Variants in OPCML observed in about 807,000 individuals in gnomAD.
The protein encoded by OPCML is opioid-binding protein/cell adhesion molecule.
OPCML carries 13 observed loss-of-function variants against 37.8 expected under a neutral mutation model. The observed-to-expected ratio is 0.34, with a 90% CI of 0.22 to 0.55. The LOEUF is 0.55. OPCML is among the 20% of genes least tolerant of loss of function. The pLI, the probability that OPCML is intolerant of heterozygous loss-of-function variation, is 0.91. For synonymous variants in OPCML, 176 were observed against 168.8 expected, an observed-to-expected ratio of 1.04 and a Z score of -0.33; for missense variants, 341 against 435.6, an observed-to-expected ratio of 0.78 and a Z score of 1.93.
intron 1 of OPCML, among the ~76,000 whole-genome samples, chr11:133,232,299 C>A (rs926436808): frequency 6.6e-6 from 1 of 152,156 alleles, no homozygotes; most frequent in African/African-American, 2.4e-5. Context: ...GTAGAGAAAG[C>A]GCAGAGTTTA....
chr11:133,197,014 A>G (rs1938561785), intron 1 of OPCML, among the ~76,000 whole-genome samples: 1 of 152,208 alleles, frequency 6.6e-6, no homozygotes, highest in Non-Finnish European at 1.5e-5. Flanking sequence ...ACTGGGAGTG[A>G]ATTGCCTGGA....
chr11:133,426,689 C>A (rs1469930397), intron 1 of OPCML, among the ~76,000 whole-genome samples: 2 of 152,290 alleles, frequency 1.3e-5, no homozygotes, highest in Non-Finnish European at 2.9e-5. Flanking sequence ...AGAAACACAG[C>A]GAGAGAGCAG....
chr11:132,549,834 G>T (rs1243026447), intron 3 of OPCML, among the ~76,000 whole-genome samples: 38 of 152,170 alleles, frequency 2.5e-4, no homozygotes, highest in Non-Finnish European at 2.9e-5. Context: ...CAGTCTGTGA[G>T]TCCTATGTAA....
intron 1 of OPCML, among the ~76,000 whole-genome samples, chr11:133,268,926 C>A (rs1035467809): frequency 1.3e-5 from 2 of 152,126 alleles, no homozygotes; most frequent in African/African-American, 4.8e-5. Flanking sequence ...ACACTGGTCC[C>A]GAGGACTTAC....
intron 3 of OPCML, among the ~76,000 whole-genome samples, chr11:132,540,936 G>C (rs188255406): frequency 1.6e-4 from 25 of 152,192 alleles, no homozygotes; most frequent in Non-Finnish European, 2.9e-4. Context: ...CTCCCTCTGG[G>C]AGTCTCCTTT....
intron 1 of OPCML, among the ~76,000 whole-genome samples, chr11:133,288,659 C>T (rs1399752929): frequency 6.6e-6 from 1 of 152,178 alleles, no homozygotes; most frequent in Non-Finnish European, 1.5e-5. Flanking sequence ...TACCTTGGAT[C>T]AATTAAATCA....
chr11:132,569,399 G>A (rs992818854), intron 3 of OPCML, among the ~76,000 whole-genome samples: 3 of 152,184 alleles, frequency 2.0e-5, no homozygotes, highest in Admixed American at 6.5e-5. Flanking sequence ...AGAACTGTGA[G>A]AAAATAAATG....
At chr11:132,707,793 G>T (rs1458328462) in intron 2 of OPCML, among the ~76,000 whole-genome samples, 1 of 152,164 alleles carries the variant, frequency 6.6e-6, no homozygotes, top group Non-Finnish European at 1.5e-5. Context: ...ATTGTGTTCA[G>T]TTCTGGGTAG....
chr11:133,048,808 C>A (rs996051889), intron 1 of OPCML, among the ~76,000 whole-genome samples: 2 of 152,124 alleles, frequency 1.3e-5, no homozygotes, highest in Non-Finnish European at 2.9e-5. Context: ...TAAGCTATGG[C>A]TCTTTGAAGG....
At chr11:133,026,454 G>A in intron 1 of OPCML, 1 of 985,392 alleles carries the variant, frequency 1.0e-6, no homozygotes, top group Non-Finnish European at 1.2e-6. Flanking sequence ...CCTGGTTCCT[G>A]TTTTGCAACC....
At chr11:133,191,504 G>GGGGTGTGT (rs772369397) in intron 1 of OPCML, among the ~76,000 whole-genome samples, 30 of 142,360 alleles carry the variant, frequency 2.1e-4, no homozygotes, top group African/African-American at 7.8e-4. Context: ...TGTGTGTGTG[G>GGGGTGTGT]GTGTGTGTGT....
chr11:133,383,690 C>T lies in OPCML; in HGVS notation c.61+148574G>A, dbSNP rs983108909. ...GGGGCATTTCTTTGGGAGCAAGCAT[C>T]AGACAAATAAACATCATTTGAGGTT... is the stretch of plus-strand genomic sequence containing the variant. On this transcript the variant is annotated intron_variant, in intron 1 of 7. Transcript: ENST00000524381. Among the ~76,000 whole-genome samples the T allele has an allele frequency of 7.9e-5, 12 of 152,238 alleles. No individual in the cohort carries two copies. The South Asian group carries it at 8.3e-4, about 11-fold the overall frequency.
At chr11:132,457,934 T>A (rs75023564) in intron 4 of OPCML, among the ~76,000 whole-genome samples, 7,051 of 152,296 alleles carry the variant, frequency 0.046, 484 homozygotes, top group African/African-American at 0.15. Context: ...AGGCAAAGTG[T>A]CTGCCGTGGA....
At chr11:133,053,197 G>C (rs1052382106) in intron 1 of OPCML, among the ~76,000 whole-genome samples, 1 of 152,190 alleles carries the variant, frequency 6.6e-6, no homozygotes, top group African/African-American at 2.4e-5. Context: ...GATAATGTCA[G>C]AGCCTTCTTT....
rs552195986 is a variant in OPCML at position 133,082,668 on chromosome 11, C to T, written c.62-139658G>A. On this transcript the variant is annotated intron_variant, in intron 1 of 7. Transcript: ENST00000524381. ...GCGCCGAGTGGCACAGCCCTCGGCA[C>T]GGCACGGCCCTGTCAGCTACGAAGC... 2.6e-3 allele frequency among the ~76,000 whole-genome samples: 301 copies of T among 118,016 alleles called. 3 individuals are homozygous for T. The highest frequency in any genetic ancestry group is 9.1e-3 in the African/African-American group (270 of 29,700). 77.4% of individuals were successfully genotyped at this position (118,016 alleles called of 152,430 possible).
At chr11:133,379,365 T>C (rs4304785) in intron 1 of OPCML, among the ~76,000 whole-genome samples, 103,141 of 152,124 alleles carry the variant, frequency 0.68, 35,495 homozygotes, top group East Asian at 0.88. Flanking sequence ...TCCTCTCAGC[T>C]GAGCTCTTTA....
chr11:133,306,380 A>G (rs1942917537), intron 1 of OPCML, among the ~76,000 whole-genome samples: 1 of 152,190 alleles, frequency 6.6e-6, no homozygotes, highest in African/African-American at 2.4e-5. Context: ...TCATAACCAA[A>G]TATACTATTT....
intron 1 of OPCML, among the ~76,000 whole-genome samples, chr11:133,191,408 A>T (rs1415071947): frequency 1.3e-5 from 2 of 152,172 alleles, no homozygotes; most frequent in Non-Finnish European, 2.9e-5. Context: ...TTCAATGTAT[A>T]TTTCAACACA....
intron 2 of OPCML, among the ~76,000 whole-genome samples, chr11:132,765,157 G>A (rs878920037): frequency 2.0e-5 from 3 of 152,148 alleles, no homozygotes; most frequent in Admixed American, 2.0e-4. Flanking sequence ...AAGACTGTAC[G>A]GCTCTAGAGC....
Sources: allele counts gnomAD v4.1 joint callset (sites outside exome capture counted in the v4.1 genomes callset), GRCh38; gene constraint gnomAD v4.1.1; transcripts MANE v1.5; gene names NCBI Gene and HGNC (gene_info 2026-07-23, HGNC 2026-07-21).